EPHB1: variants seen among roughly 807,000 people sequenced by gnomAD.
The protein encoded by EPHB1 is EPH receptor B1.
In EPHB1, 30 loss-of-function variants were observed where a neutral mutation model predicts 94.4. The observed-to-expected ratio is 0.32, with a 90% confidence interval of 0.24 to 0.43. The LOEUF (loss-of-function observed/expected upper bound fraction) is 0.43. Ranked by LOEUF, EPHB1 falls within the 20% of genes least tolerant of loss-of-function variation. The pLI is 1.00. For synonymous variants in EPHB1, 522 were observed against 489.1 expected (o/e 1.07, Z -0.89); for missense variants, 1,055 against 1,308.3 (o/e 0.81, Z 2.99).
At chr3:135,235,811 A>G (rs1367371963) in intron 12 of EPHB1, among the ~76,000 whole-genome samples, 2 of 152,120 alleles carry the variant, frequency 1.3e-5, no homozygotes, top group African/African-American at 4.8e-5. Flanking sequence ...CTCAGGCAGG[A>G]TGACAAAGGG....
intron 1 of EPHB1, among the ~76,000 whole-genome samples, chr3:134,856,572 T>C (rs557683559): frequency 3.9e-5 from 6 of 152,304 alleles, no homozygotes; most frequent in African/African-American, 1.2e-4. Flanking sequence ...AATCAAACTG[T>C]AGAACTGTTT....
intron 3 of EPHB1, among the ~76,000 whole-genome samples, chr3:135,027,133 C>G (rs1936212822): frequency 6.7e-6 from 1 of 149,914 alleles, no homozygotes; most frequent in African/African-American, 2.5e-5. Context: ...ATGGGGTTTT[C>G]TACATATACA....
chr3:135,038,282 C>T (rs1444633322), intron 3 of EPHB1, among the ~76,000 whole-genome samples: 1 of 152,206 alleles, frequency 6.6e-6, no homozygotes, highest in Admixed American at 6.5e-5. Context: ...TGAATCTGGG[C>T]TGGGCTGTGA....
chr3:135,028,370 A>C (rs891437000), intron 3 of EPHB1, among the ~76,000 whole-genome samples: 4 of 139,524 alleles, frequency 2.9e-5, no homozygotes, highest in Non-Finnish European at 6.2e-5. Flanking sequence ...TTAGTGCTAT[A>C]AATTTCCCTC....
intron 2 of EPHB1, among the ~76,000 whole-genome samples, chr3:134,948,200 A>C (rs1169999385): frequency 1.3e-5 from 2 of 152,094 alleles, no homozygotes; most frequent in Non-Finnish European, 2.9e-5. Context: ...TCTGGCTGTG[A>C]CCAGACCCCC....
chr3:135,072,044 G>A (rs1937734841), intron 3 of EPHB1, among the ~76,000 whole-genome samples: 3 of 152,046 alleles, frequency 2.0e-5, no homozygotes, highest in Admixed American at 2.0e-4. Flanking sequence ...GCCTTCTACA[G>A]ACCACTCCAC....
At chr3:135,222,949 AT>A (rs1248487245) in intron 12 of EPHB1, among the ~76,000 whole-genome samples, 2 of 152,150 alleles carry the variant, frequency 1.3e-5, no homozygotes, top group Non-Finnish European at 2.9e-5. Flanking sequence ...AGGCTCTGTT[AT>A]TTTATTGTGC....
intron 1 of EPHB1, among the ~76,000 whole-genome samples, chr3:134,870,999 G>A (rs973793256): frequency 6.6e-6 from 1 of 152,128 alleles, no homozygotes; most frequent in Non-Finnish European, 1.5e-5. Flanking sequence ...AATACCTTGG[G>A]TGCCCCTTAG....
intron 5 of EPHB1, among the ~76,000 whole-genome samples, chr3:135,142,241 T>C (rs1940853822): frequency 6.6e-6 from 1 of 152,132 alleles, no homozygotes; most frequent in African/African-American, 2.4e-5. Flanking sequence ...GAATGGGAAA[T>C]GGAACTACCC....
intron 1 of EPHB1, among the ~76,000 whole-genome samples, chr3:134,796,578 C>G (rs993455799): frequency 6.6e-6 from 1 of 152,242 alleles, no homozygotes; most frequent in African/African-American, 2.4e-5. Flanking sequence ...AGCCTGGGCG[C>G]TCGGTAGCGC....
intron 1 of EPHB1, among the ~76,000 whole-genome samples, chr3:134,865,923 G>T (rs1316740050): frequency 6.6e-6 from 1 of 152,224 alleles, no homozygotes; most frequent in African/African-American, 2.4e-5. Flanking sequence ...GGAAGGGGAA[G>T]TTAAGAAGCT....
rs140633942 is a variant in EPHB1 at position 135,008,230 on chromosome 3, C to A, written c.805+56178C>A. 2.3e-4 allele frequency among the ~76,000 whole-genome samples: 35 copies of A among 152,340 alleles called. 1 individual carries two copies. Among genetic ancestry groups the A allele is most frequent in the Admixed American group, 2.3e-3 (35 of 15,294 alleles). ...CACGTAGATAGAATTAAGGAATAAT[C>A]ATAACAAACATATACATAGTGCTTA... On this transcript the variant is annotated intron_variant, in intron 3 of 15. Coordinates refer to ENST00000398015, the MANE Select transcript of EPHB1 (RefSeq NM_004441.5).
intron 1 of EPHB1, among the ~76,000 whole-genome samples, chr3:134,902,460 T>G (rs554232542): frequency 5.9e-5 from 9 of 152,212 alleles, no homozygotes; most frequent in Non-Finnish European, 1.2e-4. Context: ...AGTGAATGTG[T>G]GCATGTGCTA....
At chr3:135,226,125 C>T (rs2107722135) in intron 12 of EPHB1, among the ~76,000 whole-genome samples, 1 of 152,324 alleles carries the variant, frequency 6.6e-6, no homozygotes, top group East Asian at 1.9e-4. Flanking sequence ...GCATCAGTGG[C>T]CTCAAGAATG....
chr3:135,127,390 T>A (rs201060915), intron 4 of EPHB1, among the ~76,000 whole-genome samples: 1 of 152,064 alleles, frequency 6.6e-6, no homozygotes, highest in East Asian at 1.9e-4. Flanking sequence ...CAGGGGAGTG[T>A]TTCTCCCAAG....
rs754313971 is a variant in EPHB1 at position 134,951,874 on chromosome 3, T to A, written c.627T>A (p.Thr209=). 6.2e-7 allele frequency: 1 copy of A among 1,614,058 alleles called. No individual in the cohort carries two copies. Among genetic ancestry groups the A allele is most frequent in the Non-Finnish European group, 8.5e-7 (1 of 1,179,904 alleles). Residue 209 remains threonine (T), a synonymous_variant, in exon 3 of 16, where the codon ACT becomes ACA. Transcript: ENST00000398015. The surrounding 1 kb of genome is among the most constrained non-coding windows in gnomAD (Gnocchi z 4.5). ...AAAATTTTGCAGTGTTTCCAGAGAC[T>A]ATGACAGGGGCAGAGAGCACATCTC... The part of the protein sequence containing the change: ...IVQNFAVFPE[T]MTGAESTSLV...
At chr3:134,985,391 C>T (rs1007935392) in intron 3 of EPHB1, among the ~76,000 whole-genome samples, 3 of 152,200 alleles carry the variant, frequency 2.0e-5, no homozygotes, top group Non-Finnish European at 2.9e-5. Flanking sequence ...CTCCTGACCT[C>T]GAGTGATCTG....
At chr3:134,861,414 A>G (rs2037256091) in intron 1 of EPHB1, among the ~76,000 whole-genome samples, 1 of 152,114 alleles carries the variant, frequency 6.6e-6, no homozygotes, top group South Asian at 2.1e-4. Flanking sequence ...TTGGGGGATG[A>G]GGAGGGAATG....
intron 1 of EPHB1, among the ~76,000 whole-genome samples, chr3:134,915,641 TCTTA>T (rs1453141354): frequency 2.0e-5 from 3 of 152,268 alleles, no homozygotes; most frequent in African/African-American, 2.4e-5. Flanking sequence ...GTTCAGAGTT[TCTTA>T]CTTCTGGTGG....
Sources: allele counts gnomAD v4.1 joint callset (sites outside exome capture counted in the v4.1 genomes callset), GRCh38; gene constraint gnomAD v4.1.1; non-coding constraint Gnocchi (gnomAD v3.1); transcripts MANE v1.5; gene names NCBI Gene and HGNC (gene_info 2026-07-23, HGNC 2026-07-21).